RTN4: variants seen among roughly 807,000 people sequenced by gnomAD.
The protein encoded by RTN4 is reticulon 4.
Under a neutral mutation model 90.4 loss-of-function variants are expected in RTN4, and 32 were observed. That is an observed-to-expected ratio of 0.35 (90% confidence interval 0.27 to 0.48). RTN4 has a LOEUF of 0.48. Ranked by LOEUF, RTN4 falls within the 20% of genes least tolerant of loss-of-function variation. The pLI is 0.99. For synonymous variants in RTN4, 629 were observed against 552.5 expected, an observed-to-expected ratio of 1.14 and a Z score of -1.94; for missense variants, 1,706 against 1,430.2, an observed-to-expected ratio of 1.19 and a Z score of -3.11.
intron 2 of RTN4, among the ~76,000 whole-genome samples, chr2:55,063,843 G>A (rs1312302841): frequency 2.6e-5 from 4 of 151,600 alleles, no homozygotes; most frequent in African/African-American, 9.7e-5. Context: ...ACTGGGCACT[G>A]TACTCCAGCC....
intron 4 of RTN4, among the ~76,000 whole-genome samples, chr2:54,983,030 G>T (rs1032742512): frequency 6.6e-6 from 1 of 151,278 alleles, no homozygotes; most frequent in African/African-American, 2.4e-5. Context: ...TGAGCACAAG[G>T]ATGCACTCAG....
At chr2:55,094,973 C>T (rs1409042464) in intron 1 of RTN4, among the ~76,000 whole-genome samples, 2 of 152,174 alleles carry the variant, frequency 1.3e-5, no homozygotes, top group African/African-American at 4.8e-5. Context: ...CACAAGTCCT[C>T]CTCTTGTATT....
chr2:55,096,395 C>CG (rs1669035584), intron 1 of RTN4, among the ~76,000 whole-genome samples: 2 of 152,088 alleles, frequency 1.3e-5, no homozygotes, highest in Admixed American at 6.6e-5. Flanking sequence ...GATCTCTTGG[C>CG]TGAGCTTCCA....
chr2:55,095,545 C>T (rs1669015856), intron 1 of RTN4, among the ~76,000 whole-genome samples: 1 of 152,066 alleles, frequency 6.6e-6, no homozygotes, highest in African/African-American at 2.4e-5. Flanking sequence ...CCCTGTCTTA[C>T]TTTGCTGCCC....
intron 1 of RTN4, among the ~76,000 whole-genome samples, chr2:55,096,117 G>A (rs1336682129): frequency 3.9e-5 from 6 of 152,042 alleles, no homozygotes; most frequent in Admixed American, 6.5e-5. Flanking sequence ...ACCTGAGGAC[G>A]GGAGTTCAAG....
At chr2:55,015,101 T>TTA in intron 3 of RTN4, among the ~76,000 whole-genome samples, 1 of 152,282 alleles carries the variant, frequency 6.6e-6, no homozygotes, top group East Asian at 1.9e-4. Flanking sequence ...ACATAGTCAA[T>TTA]TATAGATCAT....
At chr2:55,099,695 TCAC>T in intron 1 of RTN4, among the ~76,000 whole-genome samples, 1 of 152,200 alleles carries the variant, frequency 6.6e-6, no homozygotes, top group South Asian at 2.1e-4. Context: ...TGGGTTTGAA[TCAC>T]CACTCTGCCA....
chr2:54,980,460 A>G (rs1447704717), intron 5 of RTN4, among the ~76,000 whole-genome samples: 1 of 152,212 alleles, frequency 6.6e-6, no homozygotes, highest in East Asian at 1.9e-4. Flanking sequence ...ACTAGAGCAT[A>G]ATGAATCATT....
chr2:54,977,795 G>A (rs1677761733), intron 5 of RTN4, among the ~76,000 whole-genome samples: 1 of 152,106 alleles, frequency 6.6e-6, no homozygotes. Context: ...TCTTTTCTAG[G>A]ACTTAGAAGT....
At chr2:55,080,039 G>T (rs1055424645) in intron 2 of RTN4, among the ~76,000 whole-genome samples, 2 of 152,098 alleles carry the variant, frequency 1.3e-5, no homozygotes, top group Non-Finnish European at 2.9e-5. Flanking sequence ...ATTTTGGGGG[G>T]ACAGGGGACA....
chr2:55,013,294 A>G (rs749506066), intron 3 of RTN4, among the ~76,000 whole-genome samples: 14 of 152,084 alleles, frequency 9.2e-5, no homozygotes, highest in African/African-American at 3.4e-4. Flanking sequence ...ATATTTGGCA[A>G]TTTCCCACTC....
chr2:54,974,632 G>A, intron 6 of RTN4, 63 bp downstream of exon 6: 1 of 1,290,594 alleles, frequency 7.7e-7, no homozygotes, highest in Non-Finnish European at 1.1e-6. Context: ...CCACTAAAAT[G>A]TCTAAGCTCC....
At chr2:55,070,545 C>CAA (rs747838297) in intron 2 of RTN4, among the ~76,000 whole-genome samples, 1,449 of 67,056 alleles carry the variant, frequency 0.022, 50 homozygotes, top group African/African-American at 0.069. Context: ...GACTCTGTCT[C>CAA]AAAAAAAAAA....
intron 3 of RTN4, among the ~76,000 whole-genome samples, chr2:55,011,056 AG>A (rs1003797256): frequency 1.3e-5 from 2 of 152,138 alleles, no homozygotes; most frequent in African/African-American, 4.8e-5. Flanking sequence ...TTTCTGACAC[AG>A]GGTCTCGCTC....
Position 55,027,241 on chromosome 2 carries a change from A to C in RTN4, c.858T>G (p.Asp286Glu). 2 of 1,613,748 alleles carry C rather than the reference A, an allele frequency of 1.2e-6. No homozygotes were observed. The highest frequency in any genetic ancestry group is 1.7e-6 in the Non-Finnish European group (2 of 1,179,808). The change falls in exon 3 of 9, where the codon GAT becomes GAG. Residue 286 changes from aspartate (D) to glutamate (E), a missense_variant. Transcript: ENST00000337526. ...VSEKAKTLLIDRDLTEFSELE... is the reference protein window; with the variant it reads ...VSEKAKTLLIERDLTEFSELE... The stretch of plus-strand genomic sequence containing the variant: ...ATTCTGAAAACTCTGTTAAATCTCT[A>C]TCTATGAGTAGAGTTTTTGCCTTCT...
rs762872138 is a variant in RTN4 at position 55,050,238 on chromosome 2, G to T, written c.63C>A (p.Pro21=). Residue 21 remains proline, a synonymous_variant, in exon 1 of 9, where the codon CCC becomes CCA. Transcript: ENST00000337526. This position sits in a 1 kb window ranked among gnomAD's most constrained non-coding sequence, Gnocchi z 4.6. ...SSSDSPPRPQ[P]AFKYQFVREP... ...CCCTCACGAACTGGTACTTGAACGC[G>T]GGCTGCGGCCGGGGTGGGCTGTCCG... The T allele has an allele frequency of 4.5e-6, 7 of 1,547,832 alleles. No individual in the cohort carries two copies. Among genetic ancestry groups the T allele is most frequent in the Non-Finnish European group, 6.1e-6 (7 of 1,148,564 alleles).
Position 55,050,026 on chromosome 2 carries a change from C to T in RTN4, c.275G>A (p.Gly92Glu), listed in dbSNP as rs779846954. ...GNDFVPPAPR[G>E]PLPAAPPVAP... is the part of the protein sequence containing the mutation. ...GACGGGGGGAGCGGCCGGCAGGGGT[C>T]CCCGGGGCGCCGGCGGCACGAAGTC... is the stretch of plus-strand genomic sequence containing the variant. The change falls in exon 1 of 9, where the codon GGA (glycine) becomes GAA (glutamate). Residue 92 changes from glycine (G) to glutamate (E), a missense_variant. Gly to Glu is a moderately conservative substitution (Grantham distance 98). Coordinates refer to ENST00000337526, the MANE Select transcript of RTN4 (RefSeq NM_020532.5). The surrounding 1 kb of genome is among the most constrained non-coding windows in gnomAD (Gnocchi z 4.6). 7.2e-7 allele frequency: 1 copy of T among 1,390,884 alleles called. No individual in the cohort carries two copies. Among genetic ancestry groups the T allele is most frequent in the South Asian group, 1.6e-5 (1 of 62,274 alleles). The allele number at this position is 1,390,884 out of a possible 1,614,324, so 86.2% of individuals were successfully genotyped here.
At chr2:54,998,858 C>T (rs560458001) in intron 3 of RTN4, among the ~76,000 whole-genome samples, 1 of 152,194 alleles carries the variant, frequency 6.6e-6, no homozygotes, top group East Asian at 1.9e-4. Flanking sequence ...AAAATTAAGA[C>T]AAAGAGTTTA....
At chr2:54,973,377 T>TAAACAC in intron 8 of RTN4, 179 bp from the exon 9 acceptor site, 1 of 758,962 alleles carries the variant, frequency 1.3e-6, no homozygotes, top group East Asian at 2.7e-5. Context: ...AACAAAGCCT[T>TAAACAC]AAACACATAA....
Sources: allele counts gnomAD v4.1 joint callset (sites outside exome capture counted in the v4.1 genomes callset), GRCh38; gene constraint gnomAD v4.1.1; non-coding constraint Gnocchi (gnomAD v3.1); transcripts MANE v1.5; gene names NCBI Gene and HGNC (gene_info 2026-07-23, HGNC 2026-07-21).